Variants in BBS2 observed in about 807,000 individuals in gnomAD.
The protein encoded by BBS2 is Bardet-Biedl syndrome 2.
Under a neutral mutation model 83.0 loss-of-function variants are expected in BBS2, and 62 were observed. The ratio of observed to expected loss-of-function variants is 0.75; its 90% CI spans 0.61 to 0.92. The LOEUF (loss-of-function observed/expected upper bound fraction) is 0.92, where lower values mean the gene tolerates loss of function less well. BBS2 is among the 40% of genes least tolerant of loss of function. BBS2 has a pLI of 0.00. For synonymous variants in BBS2, 303 were observed against 326.1 expected (o/e 0.93, Z 0.76); for missense variants, 784 against 901.0 (o/e 0.87, Z 1.66).
At chr16:56,491,725 C>CAAAAAAAAAA (rs773397021) in intron 15 of BBS2, among the ~76,000 whole-genome samples, 3 of 43,186 alleles carry the variant, frequency 6.9e-5, no homozygotes, top group Non-Finnish European at 9.2e-5. Flanking sequence ...AACTCAACAG[C>CAAAAAAAAAA]AAAAAAAAAA....
At chr16:56,482,579 A>G (rs1596999997), downstream of BBS2, among the ~76,000 whole-genome samples, 3 of 152,190 alleles carry the variant, frequency 2.0e-5, no homozygotes, top group Admixed American at 2.0e-4. Context: ...TCTCATAATT[A>G]GGACTCCATA....
chr16:56,474,786 A>C, intron 17 of BBS2: 2 of 1,559,694 alleles, frequency 1.3e-6, no homozygotes, highest in East Asian at 4.5e-5. Flanking sequence ...AGTTCTATCA[A>C]GGTTATTTTT....
chr16:56,486,186 AG>A (rs1963770646), intron 15 of BBS2, among the ~76,000 whole-genome samples: 1 of 152,244 alleles, frequency 6.6e-6, no homozygotes, highest in Non-Finnish European at 1.5e-5. Flanking sequence ...AAATAACTAA[AG>A]AAAAATATAG....
chr16:56,518,370 G>A (rs1347832660), intron 1 of BBS2, among the ~76,000 whole-genome samples: 1 of 152,150 alleles, frequency 6.6e-6, no homozygotes, highest in African/African-American at 2.4e-5. Context: ...CTAGTTGAGT[G>A]GCTCCAAGCA....
At chr16:56,517,412 G>C (rs1366513944) in intron 1 of BBS2, among the ~76,000 whole-genome samples, 1 of 152,178 alleles carries the variant, frequency 6.6e-6, no homozygotes, top group Non-Finnish European at 1.5e-5. Context: ...CAAGGCCCTT[G>C]CACCTGCAGA....
chr16:56,482,813 T>C (rs1406940792), downstream of BBS2, among the ~76,000 whole-genome samples: 4 of 152,292 alleles, frequency 2.6e-5, no homozygotes, highest in East Asian at 7.7e-4. Context: ...AATACCAGCG[T>C]TCCTACAGGC....
chr16:56,498,701 G>C, intron 12 of BBS2, 133 bp from the exon 13 acceptor site: 1 of 1,500,826 alleles, frequency 6.7e-7, no homozygotes, highest in Non-Finnish European at 8.9e-7. Flanking sequence ...TTACTGCTTT[G>C]TTGAGAAAAA....
At position 56,499,843 on chromosome 16, in the gene BBS2, T is replaced by C; in HGVS notation, c.1462A>G (p.Ser488Gly). ...LPRFSMYALT[S>G]LDPASEPISY... Reference sequence around the variant, plus strand: ...ATTGGCTCACTGGCAGGGTCCAGGCTGGTCAGCGCATACATGGAGAATCGA... The same window carrying C: ...ATTGGCTCACTGGCAGGGTCCAGGCCGGTCAGCGCATACATGGAGAATCGA... The change falls in exon 12 of 17, where the codon AGC (serine) becomes GGC (glycine). Residue 488 changes from serine to glycine, a missense_variant. Physicochemically the swap from Ser to Gly is moderately conservative, Grantham distance 56. Transcript: ENST00000245157. The C allele has an allele frequency of 6.2e-7, 1 of 1,614,224 alleles. No individual in the cohort carries two copies. The highest frequency in any genetic ancestry group is 2.2e-5 in the East Asian group (1 of 44,886).
chr16:56,495,569 C>T (rs563045546), intron 15 of BBS2, among the ~76,000 whole-genome samples: 4 of 152,246 alleles, frequency 2.6e-5, no homozygotes, highest in Admixed American at 6.5e-5. Flanking sequence ...AAAGATTAAA[C>T]GATTTCCAAC....
At chr16:56,513,668 A>C (rs2144190229) in intron 2 of BBS2, among the ~76,000 whole-genome samples, 1 of 152,356 alleles carries the variant, frequency 6.6e-6, no homozygotes, top group Non-Finnish European at 1.5e-5. Context: ...GAAAGTAGAT[A>C]ACTGGTTGCC....
rs754067097 is a variant in BBS2 at position 56,485,590 on chromosome 16, C to G, written c.2059G>C (p.Val687Leu). 6.8e-6 allele frequency: 11 copies of G among 1,614,054 alleles called. No individual in the cohort carries two copies. In the South Asian group the frequency reaches 9.9e-5, roughly 15 times the overall value. ...QAIQRAGRLR[V>L]GKPKNQVITA... ...TGCAGTGTTATGAAAAGAGACTTAC[C>G]CCGCAGACGACCTGCTCTTTGAATT... Residue 687 changes from valine (V) to leucine (L), a missense_variant and splice_region_variant, in exon 16 of 17, where the codon GTT (valine) becomes CTT (leucine). Val to Leu is a conservative substitution (Grantham distance 32, BLOSUM62 1). Transcript: ENST00000245157.
chr16:56,475,736 G>A (rs538671651), intron 17 of BBS2, among the ~76,000 whole-genome samples: 1 of 152,318 alleles, frequency 6.6e-6, no homozygotes, highest in South Asian at 2.1e-4. Context: ...AGATGCTAAA[G>A]GATACTCAGT....
Position 56,500,918 on chromosome 16 carries a change from T to G in BBS2, c.1333A>C (p.Ile445Leu), listed in dbSNP as rs145757541. 6.2e-7 allele frequency: 1 copy of G among 1,614,046 alleles called. No homozygotes were observed. The highest frequency in any genetic ancestry group is 2.2e-5 in the East Asian group (1 of 44,866). The change falls in exon 11 of 17, where the codon ATT becomes CTT. Residue 445 changes from isoleucine to leucine, a missense_variant. Transcript: ENST00000245157. ...ACAGGGACATCTTTGGGAGGCACAATAGGGATGCAGATGGAACTGGAGAGG... is the reference window on the plus strand; with the variant it reads ...ACAGGGACATCTTTGGGAGGCACAAGAGGGATGCAGATGGAACTGGAGAGG... ...HNLSSSICIP[I>L]VPPKDVPVDL...
Position 56,519,805 on chromosome 16 carries a change from C to T in BBS2, c.58G>A (p.Ala20Thr), listed in dbSNP as rs886052150. 1 of 1,613,650 alleles carries T rather than the reference C, an allele frequency of 6.2e-7. No homozygotes were observed. The highest frequency in any genetic ancestry group is 1.3e-5 in the African/African-American group (1 of 74,928). Reference protein sequence around the residue: ...LRHKISPRMVAIGRYDGTHPC... With the variant: ...LRHKISPRMVTIGRYDGTHPC... ...TGAGTCCCGTCGTAGCGCCCTATGGCCACCATTCGGGGGCTGATTTTGTGG... is the reference window on the plus strand; with the variant it reads ...TGAGTCCCGTCGTAGCGCCCTATGGTCACCATTCGGGGGCTGATTTTGTGG... The change falls in exon 1 of 17, where the codon GCC (alanine) becomes ACC (threonine). Residue 20 changes from alanine (A) to threonine (T), a missense_variant. By Grantham distance (58) the Ala-to-Thr change is moderately conservative. Transcript: ENST00000245157.
intron 15 of BBS2, among the ~76,000 whole-genome samples, chr16:56,487,622 G>C (rs909087046): frequency 1.3e-5 from 2 of 152,098 alleles, no homozygotes; most frequent in African/African-American, 4.8e-5. Context: ...CAAATATAAA[G>C]ACATAGCATG....
chr16:56,509,749 T>C lies in BBS2; in HGVS notation c.612+208A>G, dbSNP rs114494377. ...AACTATATGCAATAATTTTTCTCTA[T>C]TTAATCAGTCTTTTCAAAATATATC... On this transcript the variant is annotated intron_variant, in intron 5 of 16. Coordinates refer to ENST00000245157, the MANE Select transcript of BBS2 (RefSeq NM_031885.5). 1,389 of 548,924 alleles carry C rather than the reference T, an allele frequency of 2.5e-3. 16 individuals are homozygous for C. Among genetic ancestry groups the C allele is most frequent in the African/African-American group, 0.024 (1,260 of 52,656 alleles). The allele number at this position is 548,924 out of a possible 1,614,324, so 34.0% of individuals were successfully genotyped here.
downstream of BBS2, among the ~76,000 whole-genome samples, chr16:56,482,518 T>C (rs902227748): frequency 3.9e-5 from 6 of 152,168 alleles, no homozygotes; most frequent in African/African-American, 1.4e-4. Context: ...TGTATGTGGA[T>C]TATCTCTTGA....
chr16:56,474,506 G>A (rs1757943222), intron 17 of BBS2, among the ~76,000 whole-genome samples: 1 of 151,572 alleles, frequency 6.6e-6, no homozygotes, highest in South Asian at 2.1e-4. Context: ...TTGTAGTAGA[G>A]ATGGGGTTTC....
At position 56,477,193 on chromosome 16, in the gene BBS2, G is replaced by A. The variant is rs559437375; in HGVS notation, c.*1-6498C>T. The A allele has an allele frequency of 5.3e-5, 8 of 152,218 alleles. No individual in the cohort carries two copies. The South Asian group carries it at 1.0e-3, about 20-fold the overall frequency. 9.4% of individuals were successfully genotyped at this position (152,218 alleles called of 1,614,324 possible). On this transcript the variant is annotated intron_variant, in intron 17 of 17. Coordinates refer to the BBS2 transcript ENST00000682047. ...AATTTTGTTCTTCTCATAATTTCTG[G>A]TTTAGAAAATTATGGAGCCTTACAT...
Sources: gnomAD v4.1 joint callset for allele counts (sites outside exome capture counted in the v4.1 genomes callset) on GRCh38, gnomAD v4.1.1 for gene constraint, MANE v1.5 for transcripts, NCBI Gene and HGNC (gene_info 2026-07-23, HGNC 2026-07-21) for gene names.